The following SLC71A2 variants were observed in gnomAD, a reference collection of about 807,000 sequenced individuals.
SLC71A2 encodes the protein hippocampus abundant transcript-like 1.
the SLC71A2 span, among the ~76,000 whole-genome samples, chr9:94,384,096 C>A: frequency 5.3e-5 from 8 of 152,144 alleles, no homozygotes; most frequent in African/African-American, 1.9e-4. Context: ...CAGCCAATTT[C>A]CAGAACTACT....
the SLC71A2 span, among the ~76,000 whole-genome samples, chr9:94,443,591 G>A: frequency 1.3e-5 from 2 of 152,130 alleles, no homozygotes; most frequent in African/African-American, 4.8e-5. Flanking sequence ...ATTCATCAGA[G>A]TTGTATTGAA....
chr9:94,418,757 C>CT, the SLC71A2 span, among the ~76,000 whole-genome samples: 4,127 of 131,100 alleles, frequency 0.031, 113 homozygotes, highest in East Asian at 0.05. Flanking sequence ...TCCTTTAATT[C>CT]TTTTTTTTTT....
At chr9:94,383,494 A>C in the SLC71A2 span, among the ~76,000 whole-genome samples, 1 of 151,978 alleles carries the variant, frequency 6.6e-6, no homozygotes, top group Admixed American at 6.6e-5. Context: ...TCAATTGTCC[A>C]TATATTAGTC....
chr9:94,409,863 C>T, the SLC71A2 span, among the ~76,000 whole-genome samples: 16 of 147,316 alleles, frequency 1.1e-4, no homozygotes, highest in Non-Finnish European at 2.1e-4. Flanking sequence ...ACTTGTTTTA[C>T]AGTCTTCTCA....
chr9:94,447,147 T>G, the SLC71A2 span, among the ~76,000 whole-genome samples: 2 of 152,174 alleles, frequency 1.3e-5, no homozygotes, highest in Non-Finnish European at 2.9e-5. Flanking sequence ...TTTTTTTTCT[T>G]GAGAATTAAC....
the SLC71A2 span, chr9:94,459,584 TC>T: frequency 8.8e-5 from 49 of 556,254 alleles, no homozygotes; most frequent in African/African-American, 7.6e-4. Context: ...TTTTTTTTTT[TC>T]TCTTACATTC....
the SLC71A2 span, among the ~76,000 whole-genome samples, chr9:94,448,922 T>G: frequency 5.3e-5 from 8 of 152,214 alleles, no homozygotes. Flanking sequence ...CATGAGCCAC[T>G]ACACCCGATC....
chr9:94,442,901 C>CA, the SLC71A2 span, among the ~76,000 whole-genome samples: 10 of 150,294 alleles, frequency 6.7e-5, no homozygotes, highest in African/African-American at 1.5e-4. Context: ...CCCGCCCTGC[C>CA]AAAAAAAAGA....
chr9:94,416,496 C>T, the SLC71A2 span, among the ~76,000 whole-genome samples: 3 of 152,114 alleles, frequency 2.0e-5, no homozygotes, highest in South Asian at 2.1e-4. Flanking sequence ...GCTGTTAGCC[C>T]GTTAGCCTTA....
chr9:94,397,770 G>C, the SLC71A2 span, among the ~76,000 whole-genome samples: 14 of 152,282 alleles, frequency 9.2e-5, no homozygotes, highest in African/African-American at 3.4e-4. Context: ...TTTTTCTCAT[G>C]ATTAGAGTGG....
the SLC71A2 span, among the ~76,000 whole-genome samples, chr9:94,385,246 C>A: frequency 6.6e-6 from 1 of 152,118 alleles, no homozygotes; most frequent in East Asian, 1.9e-4. Flanking sequence ...TGATAAAGTC[C>A]AGTGTATCTA....
the SLC71A2 span, chr9:94,456,422 T>A: frequency 2.9e-6 from 3 of 1,048,144 alleles, no homozygotes; most frequent in Non-Finnish European, 3.0e-6. Flanking sequence ...GTTCTCCCCA[T>A]CAACAGCAGG....
the SLC71A2 span, among the ~76,000 whole-genome samples, chr9:94,426,656 G>A: frequency 6.6e-6 from 1 of 152,116 alleles, no homozygotes; most frequent in Non-Finnish European, 1.5e-5. Flanking sequence ...TGTACTGGAA[G>A]ACAGTTCATT....
At chr9:94,382,998 CTA>C in the SLC71A2 span, among the ~76,000 whole-genome samples, 5 of 151,778 alleles carry the variant, frequency 3.3e-5, no homozygotes, top group Non-Finnish European at 5.9e-5. Context: ...GGCCTTCCTT[CTA>C]TGTTTATGGA....
chr9:94,386,027 A>T, the SLC71A2 span, among the ~76,000 whole-genome samples: 1 of 151,746 alleles, frequency 6.6e-6, no homozygotes, highest in African/African-American at 2.4e-5. Context: ...TTTGATAGGG[A>T]TTGTATTGAA....
chr9:94,388,626 C>T, the SLC71A2 span, among the ~76,000 whole-genome samples: 2 of 151,802 alleles, frequency 1.3e-5, no homozygotes, highest in South Asian at 2.1e-4. Context: ...TTATGTAAAT[C>T]GGCTACACAA....
the SLC71A2 span, among the ~76,000 whole-genome samples, chr9:94,432,238 C>T: frequency 6.6e-6 from 1 of 152,142 alleles, no homozygotes; most frequent in Non-Finnish European, 1.5e-5. Flanking sequence ...CAGTGGCTCA[C>T]GCCTGTAATC....
chr9:94,394,931 T>TTTTTG, the SLC71A2 span, among the ~76,000 whole-genome samples: 1 of 92,636 alleles, frequency 1.1e-5, no homozygotes. Context: ...TTTTTTTTTT[T>TTTTTG]GAGACGGTGT....
At chr9:94,441,991 G>T in the SLC71A2 span, among the ~76,000 whole-genome samples, 1 of 152,220 alleles carries the variant, frequency 6.6e-6, no homozygotes, top group African/African-American at 2.4e-5. Flanking sequence ...GCATGTGGAT[G>T]TGCATGTGTG....
Sources: gnomAD v4.1 joint callset for allele counts (sites outside exome capture counted in the v4.1 genomes callset) on GRCh38, gnomAD v4.1.1 for gene constraint, MANE v1.5 for transcripts, NCBI Gene and HGNC (gene_info 2026-07-23, HGNC 2026-07-21) for gene names.